SATB2: variants seen among roughly 807,000 people sequenced by gnomAD.
The protein encoded by SATB2 is DNA-binding protein SATB2.
A neutral mutation model predicts 73.4 loss-of-function variants in SATB2; 1 was observed. That is an observed-to-expected ratio of 0.01 (90% CI 0.00 to 0.06). SATB2 has a LOEUF of 0.06. Among genes scored for constraint, SATB2 ranks in the 10% least tolerant of loss-of-function variants. SATB2 has a pLI of 1.00. For missense variants in SATB2, 459 were observed against 945.8 expected, an observed-to-expected ratio of 0.49 and a Z score of 6.75; for synonymous variants, 397 against 367.0, an observed-to-expected ratio of 1.08 and a Z score of -0.93.
At chr2:199,281,115 C>A (rs1386545581) in intron 10 of SATB2, among the ~76,000 whole-genome samples, 2 of 151,896 alleles carry the variant, frequency 1.3e-5, no homozygotes, top group South Asian at 4.2e-4. Flanking sequence ...AGGGCAGGTT[C>A]CCCCGATACT....
At chr2:199,396,046 G>C (rs917957299) in intron 3 of SATB2, 1 of 152,142 alleles carries the variant, frequency 6.6e-6, no homozygotes, top group Non-Finnish European at 1.5e-5. Context: ...AACACTGCTC[G>C]TGCTAAAGCT....
intron 3 of SATB2, among the ~76,000 whole-genome samples, chr2:199,413,126 T>C (rs1458536663): frequency 4.6e-5 from 7 of 152,232 alleles, no homozygotes; most frequent in African/African-American, 9.6e-5. Flanking sequence ...CATTTTTTAA[T>C]AAAATGTATA....
chr2:199,355,488 C>A (rs189710799), intron 6 of SATB2, among the ~76,000 whole-genome samples: 1 of 151,486 alleles, frequency 6.6e-6, no homozygotes. Context: ...ACTTAGTGCC[C>A]CAAAGTATAG....
intron 10 of SATB2, among the ~76,000 whole-genome samples, chr2:199,275,389 C>A (rs1692282605): frequency 6.6e-6 from 1 of 152,152 alleles, no homozygotes; most frequent in Admixed American, 6.5e-5. Flanking sequence ...AGAATAGCTA[C>A]CCCTCACTGA....
At chr2:199,403,635 G>A (rs1310838617) in intron 3 of SATB2, among the ~76,000 whole-genome samples, 1 of 152,080 alleles carries the variant, frequency 6.6e-6, no homozygotes, top group East Asian at 1.9e-4. Flanking sequence ...CATGCAAAAA[G>A]GAAGCTATTT....
chr2:199,306,996 A>G (rs1687451059), intron 10 of SATB2, among the ~76,000 whole-genome samples: 1 of 152,182 alleles, frequency 6.6e-6, no homozygotes, highest in Non-Finnish European at 1.5e-5. Flanking sequence ...GAACTAAGAT[A>G]GGCCCTGAAT....
intron 6 of SATB2, among the ~76,000 whole-genome samples, chr2:199,366,980 A>C (rs574547781): frequency 6.6e-6 from 1 of 152,224 alleles, no homozygotes; most frequent in East Asian, 1.9e-4. Context: ...AAGAGTTTCC[A>C]ATCTTTCTGA....
intron 3 of SATB2, among the ~76,000 whole-genome samples, chr2:199,409,544 A>G (rs1443893276): frequency 4.6e-5 from 7 of 152,206 alleles, no homozygotes; most frequent in African/African-American, 1.4e-4. Context: ...CACTGAAGGA[A>G]TAGCTTTTTC....
chr2:199,336,350 G>A (rs1246129986), intron 7 of SATB2, among the ~76,000 whole-genome samples: 1 of 152,106 alleles, frequency 6.6e-6, no homozygotes, highest in African/African-American at 2.4e-5. Context: ...CATTCACAAA[G>A]TTCTGGGCCC....
rs540289381 is a variant in SATB2, at chr2:199,440,667, T to C, written c.170-7153A>G. ...TTCAACGCTCCTCCCTGTCCTTTGC[T>C]TGTAAACTACACATTCCCTGAAACA... On this transcript the variant is annotated intron_variant, in intron 2 of 10. Coordinates refer to ENST00000417098, the MANE Select transcript of SATB2 (RefSeq NM_001172509.2). Among the ~76,000 whole-genome samples, 400 of 152,232 alleles carry C rather than the reference T, an allele frequency of 2.6e-3. 1 individual carries two copies. Among genetic ancestry groups the C allele is most frequent in the Non-Finnish European group, 3.2e-3 (216 of 68,010 alleles).
At position 199,353,048 on chromosome 2, in the gene SATB2, C is replaced by T. The variant is rs1057201575; in HGVS notation, c.701-3875G>A. 4.6e-5 allele frequency among the ~76,000 whole-genome samples: 7 copies of T among 151,144 alleles called. No homozygotes were observed. In the East Asian group the frequency reaches 5.8e-4, roughly 13 times the overall value. ...GAAAAAAGAAAAAAAATTATCATCCCGACTTTAAGAATGACTAAGGATCAA... is the reference window on the plus strand; with the variant it reads ...GAAAAAAGAAAAAAAATTATCATCCTGACTTTAAGAATGACTAAGGATCAA... On this transcript the variant is annotated intron_variant, in intron 6 of 10. Coordinates refer to ENST00000417098, the MANE Select transcript of SATB2 (RefSeq NM_001172509.2).
intron 1 of SATB2, among the ~76,000 whole-genome samples, chr2:199,456,967 T>TGG (rs1345016695): frequency 2.5e-4 from 10 of 39,710 alleles, no homozygotes; most frequent in East Asian, 1.0e-3. Flanking sequence ...ACCCCTGGAT[T>TGG]GGGGGGGTGG....
At chr2:199,401,032 C>G (rs922334157) in intron 3 of SATB2, among the ~76,000 whole-genome samples, 5 of 152,044 alleles carry the variant, frequency 3.3e-5, no homozygotes, top group African/African-American at 7.3e-5. Flanking sequence ...CCCAAAATAC[C>G]ATATATATCT....
At chr2:199,321,018 G>A (rs7598836) in intron 9 of SATB2, among the ~76,000 whole-genome samples, 3,024 of 152,128 alleles carry the variant, frequency 0.02, 101 homozygotes, top group African/African-American at 0.068. Context: ...TCAGGAGAAG[G>A]GAAAGCCCTT....
At chr2:199,354,737 C>A (rs1688921718) in intron 6 of SATB2, among the ~76,000 whole-genome samples, 1 of 152,234 alleles carries the variant, frequency 6.6e-6, no homozygotes, top group East Asian at 1.9e-4. Flanking sequence ...CTTCAAGTTT[C>A]CTGGGACTGA....
intron 3 of SATB2, among the ~76,000 whole-genome samples, chr2:199,400,748 C>A (rs10931865): frequency 6.6e-6 from 1 of 152,006 alleles, no homozygotes; most frequent in Non-Finnish European, 1.5e-5. Context: ...GACAGTTTTT[C>A]GAGATTACAC....
chr2:199,311,164 G>C lies in SATB2; in HGVS notation c.1543-2207C>G, dbSNP rs777696612. 5.3e-5 allele frequency among the ~76,000 whole-genome samples: 8 copies of C among 152,236 alleles called. No homozygotes were observed. In the East Asian group the frequency reaches 1.5e-3, roughly 29 times the overall value. On this transcript the variant is annotated intron_variant, in intron 9 of 10. Transcript: ENST00000417098. ...CAAACCAAATTAATTTCTGGCACAG[G>C]GAGGTAGCCAACAAGACCCTGTTCT...
At chr2:199,317,824 C>T (rs927807807) in intron 9 of SATB2, among the ~76,000 whole-genome samples, 6 of 151,978 alleles carry the variant, frequency 3.9e-5, no homozygotes, top group African/African-American at 7.3e-5. Context: ...CTCAACTTGA[C>T]GCTCGCGCAT....
intron 5 of SATB2, among the ~76,000 whole-genome samples, chr2:199,379,499 G>T (rs535001370): frequency 2.0e-5 from 3 of 152,052 alleles, no homozygotes; most frequent in East Asian, 3.9e-4. Context: ...TTTGAAACAG[G>T]GGGGTGGGGA....
Sources: gnomAD v4.1 joint callset for allele counts (sites outside exome capture counted in the v4.1 genomes callset) on GRCh38, gnomAD v4.1.1 for gene constraint, MANE v1.5 for transcripts, NCBI Gene and HGNC (gene_info 2026-07-23, HGNC 2026-07-21) for gene names.